The following KCNMA1 variants were observed in gnomAD, a reference collection of about 807,000 sequenced individuals.
KCNMA1 encodes potassium calcium-activated channel subfamily M alpha 1.
A neutral mutation model predicts 140.0 loss-of-function variants in KCNMA1; 29 were observed. That is an observed-to-expected ratio of 0.21 (90% confidence interval 0.15 to 0.28). The LOEUF is 0.28. KCNMA1 is among the 10% of genes least tolerant of loss of function. The pLI is 1.00. For synonymous variants in KCNMA1, 612 were observed against 611.9 expected (o/e 1.00, Z 0.00); for missense variants, 880 against 1,602.2 (o/e 0.55, Z 7.70).
intron 2 of KCNMA1, among the ~76,000 whole-genome samples, chr10:77,253,451 G>T (rs942183962): frequency 1.2e-4 from 19 of 152,224 alleles, no homozygotes; most frequent in African/African-American, 4.3e-4. Flanking sequence ...CAATGATTTC[G>T]CAGCATCCAG....
chr10:77,131,592 G>A (rs1165737496), intron 5 of KCNMA1, among the ~76,000 whole-genome samples: 1 of 152,040 alleles, frequency 6.6e-6, no homozygotes, highest in Non-Finnish European at 1.5e-5. Context: ...CCAGGAGAAG[G>A]GACTAGGGGG....
At chr10:76,916,392 C>T (rs1184114988) in intron 23 of KCNMA1, among the ~76,000 whole-genome samples, 1 of 152,214 alleles carries the variant, frequency 6.6e-6, no homozygotes, top group African/African-American at 2.4e-5. Context: ...CCCGGCTAGG[C>T]AGAATGTCTG....
intron 14 of KCNMA1, among the ~76,000 whole-genome samples, chr10:77,064,788 G>A (rs2153683296): frequency 6.6e-6 from 1 of 152,236 alleles, no homozygotes; most frequent in East Asian, 1.9e-4. Context: ...CTGGGGTTTA[G>A]CAAATTCATT....
chr10:77,636,995 C>G, intron 1 of KCNMA1: 1 of 1,408,930 alleles, frequency 7.1e-7, no homozygotes, highest in Non-Finnish European at 9.2e-7. Flanking sequence ...CCAGCCGCAG[C>G]CGCCAACAAC....
intron 1 of KCNMA1, among the ~76,000 whole-genome samples, chr10:77,604,929 T>G (rs1170281079): frequency 1.3e-5 from 2 of 150,236 alleles, no homozygotes; most frequent in African/African-American, 4.9e-5. Flanking sequence ...ACCCACCATA[T>G]GCCGCTGCAG....
chr10:77,159,357 A>G (rs2154075361), intron 5 of KCNMA1, among the ~76,000 whole-genome samples: 1 of 152,114 alleles, frequency 6.6e-6, no homozygotes, highest in East Asian at 1.9e-4. Flanking sequence ...TTTTTGTTAA[A>G]TTACTAGCAT....
intron 1 of KCNMA1, among the ~76,000 whole-genome samples, chr10:77,551,959 G>C (rs1300232563): frequency 1.3e-5 from 2 of 152,142 alleles, no homozygotes; most frequent in African/African-American, 4.8e-5. Context: ...TGACGAGGAT[G>C]AGGTCAAATG....
At chr10:77,007,471 T>C (rs2089235790) in intron 18 of KCNMA1, among the ~76,000 whole-genome samples, 1 of 151,832 alleles carries the variant, frequency 6.6e-6, no homozygotes, top group South Asian at 2.1e-4. Flanking sequence ...ATTGAGATAC[T>C]TACAGTCCCA....
chr10:77,514,588 C>G (rs745487284), intron 1 of KCNMA1, among the ~76,000 whole-genome samples: 9 of 152,206 alleles, frequency 5.9e-5, no homozygotes, highest in Non-Finnish European at 1.2e-4. Context: ...GTGACTCCCA[C>G]AAGCCAAAGG....
At chr10:76,977,208 G>C (rs1565318626) in intron 19 of KCNMA1, among the ~76,000 whole-genome samples, 1 of 152,178 alleles carries the variant, frequency 6.6e-6, no homozygotes, top group Non-Finnish European at 1.5e-5. Context: ...GATGAAACCT[G>C]CCACATCCTG....
At chr10:77,396,226 T>G (rs1257275241) in intron 2 of KCNMA1, among the ~76,000 whole-genome samples, 1 of 152,216 alleles carries the variant, frequency 6.6e-6, no homozygotes, top group Non-Finnish European at 1.5e-5. Context: ...ACCTCTAGTC[T>G]TTCTGCTACA....
chr10:77,595,346 C>CAA (rs138290466), intron 1 of KCNMA1, among the ~76,000 whole-genome samples: 56 of 58,224 alleles, frequency 9.6e-4, no homozygotes, highest in Admixed American at 3.0e-3. Flanking sequence ...GACTCTGTCT[C>CAA]AAAAAAAAAA....
rs1045593167 is a variant in KCNMA1 at position 76,927,577 on chromosome 10, G to A, written c.2903-12528C>T. ...AGGATAATAAAGTAAGCGATTAGCA[G>A]CATGCAAATGACATAGGCTTAATGA... On this transcript the variant is annotated intron_variant, in intron 23 of 27. Coordinates refer to ENST00000286628, the MANE Select transcript of KCNMA1 (RefSeq NM_001161352.2). Among the ~76,000 whole-genome samples the A allele has an allele frequency of 3.9e-5, 6 of 152,334 alleles. No homozygotes were observed. The South Asian group carries it at 8.3e-4, about 21-fold the overall frequency.
chr10:76,964,550 CA>C (rs1323690562), intron 20 of KCNMA1, among the ~76,000 whole-genome samples: 18 of 152,158 alleles, frequency 1.2e-4, no homozygotes, highest in Non-Finnish European at 1.5e-5. Flanking sequence ...GGAGGCCTGT[CA>C]TATGCTATCA....
At chr10:77,620,903 G>A (rs2091156566) in intron 1 of KCNMA1, among the ~76,000 whole-genome samples, 2 of 152,184 alleles carry the variant, frequency 1.3e-5, no homozygotes, top group African/African-American at 4.8e-5. Context: ...CTTCATTCAT[G>A]ACCAGGATGT....
intron 5 of KCNMA1, among the ~76,000 whole-genome samples, chr10:77,144,748 C>T (rs1000174874): frequency 3.3e-5 from 5 of 152,120 alleles, no homozygotes; most frequent in African/African-American, 1.2e-4. Flanking sequence ...AATTCCCTCC[C>T]AACTTCCAGT....
At chr10:76,914,410 T>G in intron 24 of KCNMA1, 1 of 508,300 alleles carries the variant, frequency 2.0e-6, no homozygotes, top group African/African-American at 1.9e-5. Context: ...AGAATGGCAT[T>G]TGCTGAAAAT....
At chr10:77,093,559 G>T (rs923748615) in intron 9 of KCNMA1, among the ~76,000 whole-genome samples, 5 of 152,168 alleles carry the variant, frequency 3.3e-5, no homozygotes, top group East Asian at 1.9e-4. Context: ...ATCTGCTTCC[G>T]CCAGCCTGTG....
intron 15 of KCNMA1, among the ~76,000 whole-genome samples, chr10:77,029,474 T>A (rs921533644): frequency 1.3e-5 from 2 of 152,194 alleles, no homozygotes; most frequent in African/African-American, 2.4e-5. Context: ...GTAACATGCC[T>A]AAGGTCTCTA....
Sources: allele counts gnomAD v4.1 joint callset (sites outside exome capture counted in the v4.1 genomes callset), GRCh38; gene constraint gnomAD v4.1.1; transcripts MANE v1.5; gene names NCBI Gene and HGNC (gene_info 2026-07-23, HGNC 2026-07-21).